MYLK: variants seen among roughly 807,000 people sequenced by gnomAD.
The protein encoded by MYLK is myosin light chain kinase, smooth muscle.
Under a neutral mutation model 203.4 loss-of-function variants are expected in MYLK, and 106 were observed. The ratio of observed to expected loss-of-function variants is 0.52; its 90% CI spans 0.45 to 0.61. MYLK has a LOEUF of 0.61. Ranked by LOEUF, MYLK falls within the 20% of genes least tolerant of loss-of-function variation. The pLI, the probability that MYLK is intolerant of heterozygous loss-of-function variation, is 0.00. For missense variants in MYLK, 2,072 were observed against 2,442.3 expected, an observed-to-expected ratio of 0.85 and a Z score of 3.20; for synonymous variants, 867 against 959.5, an observed-to-expected ratio of 0.90 and a Z score of 1.78.
intron 12 of MYLK, among the ~76,000 whole-genome samples, chr3:123,724,897 C>T (rs1032196256): frequency 6.6e-6 from 1 of 152,034 alleles, no homozygotes; most frequent in African/African-American, 2.4e-5. Flanking sequence ...GCACCTGGCA[C>T]CATGTTCGGC....
At position 123,739,984 on chromosome 3, in the gene MYLK, G is replaced by A. The variant is rs757393078; in HGVS notation, c.391C>T (p.Leu131Phe). 1.9e-6 allele frequency: 3 copies of A among 1,613,862 alleles called. No individual in the cohort carries two copies. In the African/African-American group the frequency reaches 4.0e-5, roughly 22 times the overall value. Residue 131 changes from leucine to phenylalanine, a missense_variant, in exon 6 of 34, where the codon CTT becomes TTT. Coordinates refer to ENST00000360304, the MANE Select transcript of MYLK (RefSeq NM_053025.4). ...LTVEGSFAKQLGQPVVSKTLG... is the reference protein window; with the variant it reads ...LTVEGSFAKQFGQPVVSKTLG... ...GTTTTGGAAACAACAGGCTGACCAAGCTGCTTCGCAAAACTTCCTGCAAGA... is the reference window on the plus strand; with the variant it reads ...GTTTTGGAAACAACAGGCTGACCAAACTGCTTCGCAAAACTTCCTGCAAGA...
intron 4 of MYLK, among the ~76,000 whole-genome samples, chr3:123,773,409 TA>T (rs2063952366): frequency 6.6e-6 from 1 of 152,178 alleles, no homozygotes; most frequent in Non-Finnish European, 1.5e-5. Context: ...TCATGAACAG[TA>T]AAAAAATTTA....
At chr3:123,663,996 A>T in intron 23 of MYLK, 109 bp downstream of exon 23, 1 of 1,468,698 alleles carries the variant, frequency 6.8e-7, no homozygotes. Context: ...CAGGCACAGG[A>T]GTGGTGAGAG....
chr3:123,780,291 C>T lies in MYLK; in HGVS notation c.165+13386G>A, dbSNP rs540365303. Among the ~76,000 whole-genome samples the T allele has an allele frequency of 7.0e-4, 107 of 152,020 alleles. 1 individual carries two copies. The South Asian group carries it at 9.0e-3, about 13-fold the overall frequency. ...TCTACTAAAAATACAAAAATTAGCC[C>T]GGCATGGTGGCACGTGCCTGTAATC... is the stretch of plus-strand genomic sequence containing the variant. On this transcript the variant is annotated intron_variant, in intron 4 of 33. Transcript: ENST00000360304.
chr3:123,811,407 G>A (rs2065555983), intron 3 of MYLK, among the ~76,000 whole-genome samples: 1 of 152,154 alleles, frequency 6.6e-6, no homozygotes, highest in Non-Finnish European at 1.5e-5. Flanking sequence ...TTCCAATAGG[G>A]AATTTGGAAT....
At chr3:123,720,309 C>T (rs907819329) in intron 13 of MYLK, among the ~76,000 whole-genome samples, 3 of 152,172 alleles carry the variant, frequency 2.0e-5, no homozygotes, top group African/African-American at 7.2e-5. Flanking sequence ...GGACTCCCAC[C>T]TCCAGGGGAC....
At chr3:123,874,346 G>T (rs2033014094) in intron 2 of MYLK, among the ~76,000 whole-genome samples, 1 of 152,098 alleles carries the variant, frequency 6.6e-6, no homozygotes, top group Admixed American at 6.5e-5. Flanking sequence ...ACACATACAT[G>T]CTCAACTGAT....
intron 19 of MYLK, chr3:123,691,187 C>T (rs543258869): frequency 3.3e-5 from 5 of 152,234 alleles, no homozygotes; most frequent in Non-Finnish European, 5.9e-5. Context: ...GGGTGTTAGA[C>T]GTGGGCTTCA....
chr3:123,664,035 C>T (rs574805917), intron 23 of MYLK, 70 bp downstream of exon 23: 56 of 1,602,376 alleles, frequency 3.5e-5, no homozygotes, highest in South Asian at 2.8e-4. Context: ...CTGAGGCCCA[C>T]GTATCTTGCC....
intron 3 of MYLK, among the ~76,000 whole-genome samples, chr3:123,822,018 G>C (rs1010808889): frequency 1.3e-5 from 2 of 152,096 alleles, no homozygotes; most frequent in Non-Finnish European, 2.9e-5. Context: ...TATTGTAGGA[G>C]TGGGTTTCTT....
chr3:123,750,911 G>A (rs988199195), intron 5 of MYLK, among the ~76,000 whole-genome samples: 4 of 152,202 alleles, frequency 2.6e-5, no homozygotes, highest in African/African-American at 9.6e-5. Flanking sequence ...AAGAATTTAA[G>A]GAAAGCATCC....
intron 14 of MYLK, 86 bp from the exon 15 acceptor site, chr3:123,708,981 G>T (rs2061573962): frequency 1.8e-6 from 2 of 1,130,014 alleles, no homozygotes; most frequent in Non-Finnish European, 2.6e-6. Context: ...AGTGATATTG[G>T]ATGAAACACT....
intron 4 of MYLK, among the ~76,000 whole-genome samples, chr3:123,754,055 T>A (rs1246122657): frequency 6.6e-6 from 1 of 152,166 alleles, no homozygotes; most frequent in Non-Finnish European, 1.5e-5. Context: ...CCAAATACAG[T>A]CTCTTCCCTA....
rs144885184 is a variant in MYLK, at chr3:123,700,393, G to A, written c.3075C>T (p.Pro1025=). 1,335 of 1,613,650 alleles carry A rather than the reference G, an allele frequency of 8.3e-4. 19 individuals are homozygous for A. In the South Asian group the frequency reaches 0.012, roughly 14 times the overall value. The change falls in exon 18 of 34, where the codon CCC becomes CCT. Residue 1025 remains proline, a synonymous_variant. Coordinates refer to ENST00000360304, the MANE Select transcript of MYLK (RefSeq NM_053025.4). ...SNAQPSGPLK[P]VGNAKPAETL... is the part of the protein sequence containing the mutation. ...TCTCAGCAGGCTTGGCGTTGCCCAC[G>A]GGTTTCAAGGGCCCTGAAGGCTGTG...
intron 2 of MYLK, among the ~76,000 whole-genome samples, chr3:123,838,348 T>G (rs1338067563): frequency 6.6e-6 from 1 of 152,086 alleles, no homozygotes; most frequent in Non-Finnish European, 1.5e-5. Context: ...CTTTGGAAAC[T>G]AAATGAAAAG....
At chr3:123,865,653 A>T (rs2032278613) in intron 2 of MYLK, among the ~76,000 whole-genome samples, 1 of 152,178 alleles carries the variant, frequency 6.6e-6, no homozygotes, top group African/African-American at 2.4e-5. Context: ...AATTCACCAT[A>T]AGTCCTGATC....
chr3:123,658,205 TA>T (rs1219612723), intron 23 of MYLK, among the ~76,000 whole-genome samples: 1 of 152,260 alleles, frequency 6.6e-6, no homozygotes, highest in Non-Finnish European at 1.5e-5. Context: ...GCTGTTGAGA[TA>T]TAAATAATTT....
At chr3:123,676,253 C>A (rs542722040) in intron 20 of MYLK, among the ~76,000 whole-genome samples, 70 of 152,312 alleles carry the variant, frequency 4.6e-4, no homozygotes, top group Non-Finnish European at 9.3e-4. Context: ...TCCTCCCAGA[C>A]CCACATTTTG....
intron 3 of MYLK, among the ~76,000 whole-genome samples, chr3:123,823,926 T>C (rs2066023360): frequency 1.3e-5 from 2 of 152,108 alleles, no homozygotes; most frequent in Non-Finnish European, 2.9e-5. Flanking sequence ...CCTGAATAGT[T>C]TTCTTCCTCC....
Sources: allele counts gnomAD v4.1 joint callset (sites outside exome capture counted in the v4.1 genomes callset), GRCh38; gene constraint gnomAD v4.1.1; transcripts MANE v1.5; gene names NCBI Gene and HGNC (gene_info 2026-07-23, HGNC 2026-07-21).